The following BCL2L14 variants were observed in gnomAD, a reference collection of about 807,000 sequenced individuals.
BCL2L14 encodes apoptosis facilitator Bcl-2-like protein 14.
In BCL2L14, 27 loss-of-function variants were observed where a neutral mutation model predicts 35.3. The observed-to-expected ratio is 0.76, with a 90% CI of 0.56 to 1.05. The LOEUF is 1.05. Among genes scored for constraint, BCL2L14 ranks in the 50% least tolerant of loss-of-function variants. The probability of loss-of-function intolerance (pLI) is 0.00; values close to 1 mark genes in which losing one functional copy is unlikely to be tolerated. For synonymous variants in BCL2L14, 139 were observed against 145.9 expected (o/e 0.95, Z 0.34); for missense variants, 377 against 382.6 (o/e 0.99, Z 0.12).
intron 4 of BCL2L14, chr12:12,094,392 T>A (rs1333020739): frequency 1.1e-6 from 1 of 919,076 alleles, no homozygotes; most frequent in Non-Finnish European, 1.7e-6. Flanking sequence ...ACCTGCCCAT[T>A]ATAAGTGCTC....
Position 12,091,978 on chromosome 12 carries a change from C to T in BCL2L14, c.678+1129C>T, listed in dbSNP as rs117637374. Among the ~76,000 whole-genome samples the T allele has an allele frequency of 4.9e-4, 74 of 152,298 alleles. No homozygotes were observed. The East Asian group carries it at 5.0e-3, about 10-fold the overall frequency. Reference sequence around the variant, plus strand: ...ATTCCAGGCTGCCCATGAGAGTCAACGGGTGCCTTGTGAGAGAATGATCTT... The same window carrying T: ...ATTCCAGGCTGCCCATGAGAGTCAATGGGTGCCTTGTGAGAGAATGATCTT... On this transcript the variant is annotated intron_variant, in intron 4 of 5. Transcript: ENST00000308721.
intron 4 of BCL2L14, 53 bp downstream of exon 4, chr12:12,090,902 C>A: frequency 7.2e-7 from 1 of 1,394,716 alleles, no homozygotes; most frequent in Non-Finnish European, 1.0e-6. Flanking sequence ...TGCACTAGTA[C>A]ACGAGAATGG....
intron 2 of BCL2L14, among the ~76,000 whole-genome samples, chr12:12,064,220 C>A (rs1234778641): frequency 1.3e-5 from 2 of 152,122 alleles, no homozygotes; most frequent in South Asian, 2.1e-4. Context: ...GCCTTGAACT[C>A]CTGGGCTCAA....
intron 2 of BCL2L14, among the ~76,000 whole-genome samples, chr12:12,085,645 T>C (rs768722098): frequency 6.6e-6 from 1 of 152,204 alleles, no homozygotes; most frequent in Non-Finnish European, 1.5e-5. Flanking sequence ...GATGGCATCA[T>C]GGACAGAGCA....
At chr12:12,084,643 GA>G (rs1949002778) in intron 2 of BCL2L14, among the ~76,000 whole-genome samples, 1 of 77,114 alleles carries the variant, frequency 1.3e-5, no homozygotes, top group Admixed American at 1.4e-4. Flanking sequence ...TATCAGACAG[GA>G]CCAAGTCTGA....
chr12:12,073,262 G>A (rs1046688235), intron 1 of BCL2L14, among the ~76,000 whole-genome samples: 34 of 152,114 alleles, frequency 2.2e-4, no homozygotes, highest in African/African-American at 5.8e-4. Context: ...CTCTTGTGGC[G>A]GAGGCCCCCG....
intron 2 of BCL2L14, among the ~76,000 whole-genome samples, chr12:12,081,456 C>CAA (rs531114346): frequency 0.056 from 5,219 of 93,602 alleles, 389 homozygotes; most frequent in African/African-American, 0.18. Context: ...ACTCTGTCTC[C>CAA]AAAAAAAAAA....
chr12:12,084,262 G>A (rs764980138), intron 2 of BCL2L14, among the ~76,000 whole-genome samples: 4 of 152,152 alleles, frequency 2.6e-5, no homozygotes, highest in Non-Finnish European at 2.9e-5. Context: ...CCCAGCCTTA[G>A]CTCCCTTTTC....
chr12:12,097,077 G>A (rs577056074), intron 5 of BCL2L14, among the ~76,000 whole-genome samples: 3 of 152,106 alleles, frequency 2.0e-5, no homozygotes, highest in East Asian at 1.9e-4. Flanking sequence ...CCTGGGAGGC[G>A]GAGCTTGCAG....
At chr12:12,076,752 G>T (rs927088824) in intron 1 of BCL2L14, among the ~76,000 whole-genome samples, 7 of 152,046 alleles carry the variant, frequency 4.6e-5, no homozygotes, top group African/African-American at 1.7e-4. Context: ...CAACAGCTTC[G>T]CTATCAGCCA....
chr12:12,095,517 T>A, intron 5 of BCL2L14: 1 of 985,442 alleles, frequency 1.0e-6, no homozygotes, highest in Non-Finnish European at 1.2e-6. Flanking sequence ...CTCCCATCCC[T>A]CATCCCCAGT....
chr12:12,050,440 AAAAAAAAAAG>A (rs1390204369), intron 1 of BCL2L14, among the ~76,000 whole-genome samples: 51 of 147,522 alleles, frequency 3.5e-4, no homozygotes, highest in African/African-American at 1.2e-3. Context: ...CTCAAAAAAA[AAAAAAAAAAG>A]AAAAGAAAAG....
chr12:12,061,865 C>T (rs372109118), intron 2 of BCL2L14, among the ~76,000 whole-genome samples: 1 of 152,166 alleles, frequency 6.6e-6, no homozygotes, highest in African/African-American at 2.4e-5. Context: ...TGATCGTGTC[C>T]GATTAATCTC....
chr12:12,086,795 G>A (rs1322814046), intron 2 of BCL2L14, among the ~76,000 whole-genome samples: 1 of 152,154 alleles, frequency 6.6e-6, no homozygotes, highest in African/African-American at 2.4e-5. Flanking sequence ...TCAAATTATC[G>A]AATGTCCTCC....
At chr12:12,081,900 C>T (rs1327455036) in intron 2 of BCL2L14, among the ~76,000 whole-genome samples, 1 of 152,142 alleles carries the variant, frequency 6.6e-6, no homozygotes, top group African/African-American at 2.4e-5. Flanking sequence ...TGCTGAGTTT[C>T]ATTGGCCTGG....
chr12:12,060,170 G>A (rs893089481), intron 2 of BCL2L14, among the ~76,000 whole-genome samples: 3 of 150,858 alleles, frequency 2.0e-5, no homozygotes, highest in Non-Finnish European at 2.9e-5. Flanking sequence ...CTCACACCCG[G>A]TCCGGCTTAC....
chr12:12,077,068 C>G (rs958489276), intron 1 of BCL2L14, among the ~76,000 whole-genome samples: 1 of 152,086 alleles, frequency 6.6e-6, no homozygotes, highest in African/African-American at 2.4e-5. Context: ...AGTTACTGTC[C>G]CATTTCTTTA....
At chr12:12,050,432 C>T (rs1191386483) in intron 1 of BCL2L14, among the ~76,000 whole-genome samples, 7 of 70,120 alleles carry the variant, frequency 1.0e-4, no homozygotes, top group African/African-American at 3.1e-4. Flanking sequence ...GACACCATCT[C>T]AAAAAAAAAA....
Position 12,058,082 on chromosome 12 carries a change from G to A in BCL2L14, c.-272+6235G>A, listed in dbSNP as rs150858591. Among the ~76,000 whole-genome samples, 666 of 151,376 alleles carry A rather than the reference G, an allele frequency of 4.4e-3. 4 individuals carry two copies. The highest frequency in any genetic ancestry group is 0.015 in the African/African-American group (602 of 41,216). On this transcript the variant is annotated intron_variant, in intron 2 of 3. Transcript: ENST00000461264. Reference sequence around the variant, plus strand: ...TTTGCCTCGGCCTCCCCGAGTAGCTGGGACTACAGGTGTGTGCCACCACGC... The same window carrying A: ...TTTGCCTCGGCCTCCCCGAGTAGCTAGGACTACAGGTGTGTGCCACCACGC...
Sources: allele counts gnomAD v4.1 joint callset (sites outside exome capture counted in the v4.1 genomes callset), GRCh38; gene constraint gnomAD v4.1.1; transcripts MANE v1.5; gene names NCBI Gene and HGNC (gene_info 2026-07-23, HGNC 2026-07-21).